The following ANO3 variants were observed in gnomAD, a reference collection of about 807,000 sequenced individuals.
ANO3 encodes the protein anoctamin-3.
ANO3 carries 99 observed loss-of-function variants against 144.8 expected under a neutral mutation model. The observed-to-expected ratio is 0.68, with a 90% CI of 0.58 to 0.81. The LOEUF (loss-of-function observed/expected upper bound fraction) is 0.81, where lower values mean the gene tolerates loss of function less well. ANO3 is among the 30% of genes least tolerant of loss of function. ANO3 has a pLI of 0.00. For synonymous variants in ANO3, 414 were observed against 392.6 expected (o/e 1.05, Z -0.64); for missense variants, 905 against 1,202.2 (o/e 0.75, Z 3.66).
intron 1 of ANO3, among the ~76,000 whole-genome samples, chr11:26,403,422 T>C (rs184275861): frequency 6.6e-6 from 1 of 152,014 alleles, no homozygotes; most frequent in Non-Finnish European, 1.5e-5. Flanking sequence ...CCAAATAAAA[T>C]GTGTGGCAAA....
chr11:26,286,036 G>A (rs1853799372), intron 1 of ANO3: 1 of 152,178 alleles, frequency 6.6e-6, no homozygotes, highest in South Asian at 2.1e-4. Context: ...ATCAGATAAA[G>A]TGGCAAATGA....
intron 1 of ANO3, among the ~76,000 whole-genome samples, chr11:26,236,549 C>T (rs1473662172): frequency 4.6e-5 from 7 of 152,180 alleles, no homozygotes; most frequent in Admixed American, 1.3e-4. Flanking sequence ...CCGGGGGCCG[C>T]GGCTCATGCC....
chr11:26,559,445 G>A (rs540833776), intron 13 of ANO3: 132 of 303,512 alleles, frequency 4.3e-4, no homozygotes, highest in Non-Finnish European at 6.9e-4. Context: ...CCATAGAATG[G>A]TAGAATTATT....
At chr11:26,272,212 C>T (rs147226797) in intron 1 of ANO3, among the ~76,000 whole-genome samples, 1 of 151,824 alleles carries the variant, frequency 6.6e-6, no homozygotes, top group Admixed American at 6.6e-5. Context: ...ATGGGAAGTG[C>T]CACGGCGATG....
chr11:26,505,028 A>C (rs1462026088), intron 4 of ANO3, among the ~76,000 whole-genome samples: 1 of 150,644 alleles, frequency 6.6e-6, no homozygotes, highest in Non-Finnish European at 1.5e-5. Context: ...AAAAAAAAAA[A>C]AAAAAAAAAA....
At chr11:26,259,664 TAA>T (rs60307954) in intron 1 of ANO3, among the ~76,000 whole-genome samples, 1 of 143,272 alleles carries the variant, frequency 7.0e-6, no homozygotes. Flanking sequence ...CGAGACTCCA[TAA>T]AAAAAAAAAG....
intron 7 of ANO3, among the ~76,000 whole-genome samples, chr11:26,526,177 C>G (rs774434046): frequency 6.6e-6 from 1 of 152,080 alleles, no homozygotes; most frequent in Non-Finnish European, 1.5e-5. Flanking sequence ...GAAGGTACCG[C>G]TCTTATCCTA....
chr11:26,591,565 A>G (rs935485563), intron 14 of ANO3, among the ~76,000 whole-genome samples: 1 of 152,200 alleles, frequency 6.6e-6, no homozygotes, highest in Admixed American at 6.5e-5. Context: ...GGTCTCCTTT[A>G]GAAAAACCCC....
At chr11:26,349,799 C>T (rs969686970) in intron 1 of ANO3, among the ~76,000 whole-genome samples, 19 of 152,136 alleles carry the variant, frequency 1.2e-4, no homozygotes, top group Non-Finnish European at 2.4e-4. Context: ...CCGCCCGCCT[C>T]GGCCTCCCAA....
At chr11:26,346,706 A>C (rs1855504193) in intron 1 of ANO3, among the ~76,000 whole-genome samples, 1 of 152,192 alleles carries the variant, frequency 6.6e-6, no homozygotes. Flanking sequence ...AGTGCCAGGT[A>C]CTGCACTAAA....
At chr11:26,269,909 T>G (rs1346419571) in intron 1 of ANO3, among the ~76,000 whole-genome samples, 1 of 152,122 alleles carries the variant, frequency 6.6e-6, no homozygotes, top group African/African-American at 2.4e-5. Context: ...AAGGAGGTAA[T>G]TAGCATAGGC....
chr11:26,550,195 C>A (rs866702553), intron 12 of ANO3, among the ~76,000 whole-genome samples: 3 of 150,308 alleles, frequency 2.0e-5, no homozygotes, highest in African/African-American at 7.4e-5. Context: ...ATAATTATTA[C>A]AGAAATAAAT....
chr11:26,392,751 G>A (rs1383794173), intron 1 of ANO3, among the ~76,000 whole-genome samples: 4 of 151,992 alleles, frequency 2.6e-5, no homozygotes, highest in African/African-American at 4.8e-5. Context: ...AGAGAATAAC[G>A]GGATTAATTG....
Position 26,463,070 on chromosome 11 carries a change from C to A in ANO3, c.354C>A (p.His118Gln). 1 of 1,596,502 alleles carries A rather than the reference C, an allele frequency of 6.3e-7. No homozygotes were observed. Among genetic ancestry groups the A allele is most frequent in the Non-Finnish European group, 8.5e-7 (1 of 1,171,286 alleles). ...AGGATTACACGGATGAATCAGAACACGCTACTTATGACCGATCTCGTCTCA... is the reference window on the plus strand; with the variant it reads ...AGGATTACACGGATGAATCAGAACAAGCTACTTATGACCGATCTCGTCTCA... Reference protein sequence around the residue: ...KDKDYTDESEHATYDRSRLIN... With the variant: ...KDKDYTDESEQATYDRSRLIN... Residue 118 changes from histidine (H) to glutamine (Q), a missense_variant, in exon 4 of 27, where the codon CAC becomes CAA. By Grantham distance (24) the His-to-Gln change is conservative. This residue lies in a region of ANO3 where 174 missense variants were observed against 171.9 expected (regional missense o/e 1.01). Coordinates refer to ENST00000256737, the MANE Select transcript of ANO3 (RefSeq NM_031418.4).
At position 26,267,184 on chromosome 11, in the gene ANO3, G is replaced by T. The variant is rs569025906; in HGVS notation, c.155-42461G>T. ...ATGAGAAGGACCTTCACGCACGCAC[G>T]CACACACACACACACACACCCCCAA... On this transcript the variant is annotated intron_variant, in intron 1 of 27. Transcript: ENST00000672621. Among the ~76,000 whole-genome samples, 8 of 147,644 alleles carry T rather than the reference G, an allele frequency of 5.4e-5. No homozygotes were observed. The South Asian group carries it at 1.7e-3, about 32-fold the overall frequency.
At chr11:26,406,486 A>G (rs1196096773) in intron 1 of ANO3, among the ~76,000 whole-genome samples, 1 of 151,876 alleles carries the variant, frequency 6.6e-6, no homozygotes, top group Non-Finnish European at 1.5e-5. Flanking sequence ...TAGAATTTTT[A>G]TCAGAGAATC....
intron 18 of ANO3, among the ~76,000 whole-genome samples, chr11:26,628,600 C>T (rs1400623463): frequency 6.6e-6 from 1 of 152,174 alleles, no homozygotes; most frequent in Admixed American, 6.5e-5. Context: ...TTCCTGGCAG[C>T]GTAGAACCTA....
chr11:26,544,251 C>CATATATATATATATATATATATATATAT (rs1554967685), intron 11 of ANO3, among the ~76,000 whole-genome samples: 77 of 38,202 alleles, frequency 2.0e-3, no homozygotes, highest in Non-Finnish European at 2.5e-3. Flanking sequence ...TTTCATTATA[C>CATATATATATATATATATATATATATAT]ATATATATAT....
At chr11:26,492,856 C>G (rs1047128333) in intron 4 of ANO3, among the ~76,000 whole-genome samples, 2 of 152,128 alleles carry the variant, frequency 1.3e-5, no homozygotes, top group South Asian at 4.1e-4. Flanking sequence ...AAATTCAAGT[C>G]CATGTCCAAG....
Sources: gnomAD v4.1 joint callset for allele counts (sites outside exome capture counted in the v4.1 genomes callset) on GRCh38, gnomAD v4.1.1 for gene constraint, gnomAD v4.1.1 regional missense constraint, MANE v1.5 for transcripts, NCBI Gene and HGNC (gene_info 2026-07-23, HGNC 2026-07-21) for gene names.